INTS9: variants seen among roughly 807,000 people sequenced by gnomAD.
INTS9 encodes protein related to CPSF subunits of 74 kDa.
A neutral mutation model predicts 79.7 loss-of-function variants in INTS9; 55 were observed. The observed-to-expected ratio is 0.69, with a 90% CI of 0.56 to 0.86. The LOEUF (loss-of-function observed/expected upper bound fraction) is 0.86. INTS9 is among the 40% of genes least tolerant of loss of function. The pLI is 0.00. For synonymous variants in INTS9, 319 were observed against 325.2 expected (o/e 0.98, Z 0.20); for missense variants, 721 against 831.5 (o/e 0.87, Z 1.64).
intron 1 of INTS9, among the ~76,000 whole-genome samples, chr8:28,877,641 T>C (rs1809468142): frequency 6.6e-6 from 1 of 152,158 alleles, no homozygotes; most frequent in Non-Finnish European, 1.5e-5. Flanking sequence ...CTGGAAACAA[T>C]GTTAATTGAT....
At chr8:28,780,631 G>A in intron 12 of INTS9, 192 bp downstream of exon 12, 1 of 985,436 alleles carries the variant, frequency 1.0e-6, no homozygotes, top group South Asian at 4.7e-5. Context: ...CTCGCTGGAT[G>A]CCCAGCTGTC....
At position 28,812,319 on chromosome 8, in the gene INTS9, G is replaced by A; in HGVS notation, c.744+8C>T. 1 of 1,612,572 alleles carries A rather than the reference G, an allele frequency of 6.2e-7. No homozygotes were observed. ...AAGCTGAGTTGCTAGAAGAGAATTTGGAATTACCTGGGGGTGTGTGGTAAG... is the reference window on the plus strand; with the variant it reads ...AAGCTGAGTTGCTAGAAGAGAATTTAGAATTACCTGGGGGTGTGTGGTAAG... On this transcript the variant is annotated splice_region_variant and intron_variant, in intron 8 of 16. Transcript: ENST00000521022.
At chr8:28,795,746 C>T (rs1343642188) in intron 9 of INTS9, among the ~76,000 whole-genome samples, 5 of 151,444 alleles carry the variant, frequency 3.3e-5, no homozygotes, top group Non-Finnish European at 4.4e-5. Context: ...CATCAAGAAA[C>T]GACCATGCTG....
At chr8:28,800,801 A>T (rs1206439986) in intron 8 of INTS9, among the ~76,000 whole-genome samples, 2 of 152,234 alleles carry the variant, frequency 1.3e-5, no homozygotes, top group Non-Finnish European at 2.9e-5. Context: ...AATATCACTA[A>T]CTATGTGAGG....
At chr8:28,800,244 G>T (rs241167) in intron 8 of INTS9, among the ~76,000 whole-genome samples, 1 of 152,030 alleles carries the variant, frequency 6.6e-6, no homozygotes, top group Non-Finnish European at 1.5e-5. Flanking sequence ...GGTAGGAAAC[G>T]TCAGAATTTC....
intron 1 of INTS9, among the ~76,000 whole-genome samples, chr8:28,877,370 A>G (rs566937338): frequency 6.6e-5 from 10 of 152,280 alleles, no homozygotes; most frequent in Middle Eastern, 3.4e-3. Context: ...TTTAAAATAT[A>G]ATGACATAAT....
rs1344553025 is a variant in INTS9, at chr8:28,775,941, G to C, written c.1396-15C>G. The C allele has an allele frequency of 3.3e-6, 5 of 1,531,726 alleles. No homozygotes were observed. In the South Asian group the frequency reaches 6.4e-5, roughly 19 times the overall value. The allele number at this position is 1,531,726 out of a possible 1,614,324, so 94.9% of individuals were successfully genotyped here. On this transcript the variant is annotated splice_polypyrimidine_tract_variant and intron_variant, in intron 13 of 16. Transcript: ENST00000521022. ...ACGTGCAGGGGCTGAGGAACCAATGGGACAGTTGAGAAAGGTGGTGTGAAG... is the reference window on the plus strand; with the variant it reads ...ACGTGCAGGGGCTGAGGAACCAATGCGACAGTTGAGAAAGGTGGTGTGAAG...
At chr8:28,828,193 G>A (rs2131137756) in intron 6 of INTS9, among the ~76,000 whole-genome samples, 1 of 152,342 alleles carries the variant, frequency 6.6e-6, no homozygotes, top group South Asian at 2.1e-4. Flanking sequence ...CTGAGAGTCT[G>A]AGTGACAGTG....
chr8:28,771,527 C>A (rs1049063700), intron 14 of INTS9, among the ~76,000 whole-genome samples: 5 of 152,202 alleles, frequency 3.3e-5, no homozygotes, highest in African/African-American at 1.2e-4. Context: ...AGACCCCTAC[C>A]TAGCCAAGCC....
At chr8:28,776,637 C>T (rs958606101) in intron 13 of INTS9, among the ~76,000 whole-genome samples, 2 of 152,088 alleles carry the variant, frequency 1.3e-5, no homozygotes, top group Admixed American at 6.5e-5. Flanking sequence ...TTCCACCAGG[C>T]TGACCGGGCT....
At chr8:28,776,095 C>G in intron 13 of INTS9, 169 bp from the exon 14 acceptor site, 1 of 493,334 alleles carries the variant, frequency 2.0e-6, no homozygotes, top group East Asian at 3.4e-5. Context: ...GGAGAGGGAA[C>G]GTGAAGGCAC....
chr8:28,882,396 T>C (rs1270602197), intron 1 of INTS9, among the ~76,000 whole-genome samples: 11 of 139,300 alleles, frequency 7.9e-5, no homozygotes, highest in Admixed American at 2.9e-4. Flanking sequence ...TGACCTTCCC[T>C]CCACTATTGT....
At chr8:28,770,900 G>T in intron 15 of INTS9, 82 bp downstream of exon 15, 1 of 936,014 alleles carries the variant, frequency 1.1e-6, no homozygotes, top group Non-Finnish European at 1.7e-6. Flanking sequence ...CACATGAAGC[G>T]CTATTTCAAA....
chr8:28,786,842 C>T (rs970370598), intron 11 of INTS9, among the ~76,000 whole-genome samples: 4 of 152,070 alleles, frequency 2.6e-5, no homozygotes, highest in African/African-American at 7.2e-5. Context: ...TTCAGCCTCC[C>T]GAGCAGTTGT....
At chr8:28,851,560 C>G (rs1435075708) in intron 2 of INTS9, among the ~76,000 whole-genome samples, 2 of 152,102 alleles carry the variant, frequency 1.3e-5, no homozygotes, top group East Asian at 3.9e-4. Flanking sequence ...GCCTCAGCCT[C>G]CCGAGTAGCT....
chr8:28,796,501 G>A (rs1563257059), intron 9 of INTS9, 43 bp downstream of exon 9: 1 of 1,065,480 alleles, frequency 9.4e-7, no homozygotes, highest in Non-Finnish European at 1.5e-6. Context: ...TAAAATAAAT[G>A]CAAGATAGAT....
chr8:28,841,495 A>T (rs1157610913), intron 4 of INTS9, among the ~76,000 whole-genome samples: 1 of 152,216 alleles, frequency 6.6e-6, no homozygotes, highest in Admixed American at 6.5e-5. Flanking sequence ...TATAAAAAAT[A>T]AAAAATTATT....
intron 1 of INTS9, among the ~76,000 whole-genome samples, chr8:28,860,796 G>C (rs913446096): frequency 6.6e-6 from 1 of 152,136 alleles, no homozygotes; most frequent in African/African-American, 2.4e-5. Context: ...CCTGATTTAA[G>C]CACAAAGACA....
rs76221757 is a variant in INTS9, at chr8:28,889,285, A to G, written c.9+589T>C. Among the ~76,000 whole-genome samples, 887 of 152,250 alleles carry G rather than the reference A, an allele frequency of 5.8e-3. 4 individuals carry two copies. The highest frequency in any genetic ancestry group is 0.02 in the African/African-American group (844 of 41,546). On this transcript the variant is annotated intron_variant, in intron 1 of 16. Transcript: ENST00000521022. ...TTCAGCCTTGGCTCATGAAGTCCCTACAGTCTTAGAATGGAATACCATATA... is the reference window on the plus strand; with the variant it reads ...TTCAGCCTTGGCTCATGAAGTCCCTGCAGTCTTAGAATGGAATACCATATA...
Sources: gnomAD v4.1 joint callset for allele counts (sites outside exome capture counted in the v4.1 genomes callset) on GRCh38, gnomAD v4.1.1 for gene constraint, MANE v1.5 for transcripts, NCBI Gene and HGNC (gene_info 2026-07-23, HGNC 2026-07-21) for gene names.